ADAM28: variants seen among roughly 807,000 people sequenced by gnomAD.
ADAM28 encodes disintegrin and metalloproteinase domain-containing protein 28.
Under a neutral mutation model 101.2 loss-of-function variants are expected in ADAM28, and 105 were observed. The ratio of observed to expected loss-of-function variants is 1.04; its 90% confidence interval spans 0.89 to 1.22. The LOEUF is 1.22. Ranked by LOEUF, ADAM28 falls within the 50% of genes most tolerant of loss-of-function variation. The pLI is 0.00. For synonymous variants in ADAM28, 322 were observed against 310.6 expected, an observed-to-expected ratio of 1.04 and a Z score of -0.39; for missense variants, 1,028 against 945.4, an observed-to-expected ratio of 1.09 and a Z score of -1.15.
chr8:24,306,265 C>T (rs1436466951), intron 2 of ADAM28, among the ~76,000 whole-genome samples: 2 of 150,048 alleles, frequency 1.3e-5, no homozygotes, highest in Non-Finnish European at 3.0e-5. Flanking sequence ...ATCACTTGAA[C>T]CCTGGGAGGC....
intron 2 of ADAM28, among the ~76,000 whole-genome samples, chr8:24,304,701 T>C (rs2320265): frequency 0.19 from 29,495 of 151,494 alleles, 3,140 homozygotes; most frequent in East Asian, 0.34. Context: ...CCTGTCTCTA[T>C]CAAAAATACA....
chr8:24,333,189 G>A (rs757843311), intron 13 of ADAM28, among the ~76,000 whole-genome samples: 2 of 150,560 alleles, frequency 1.3e-5, no homozygotes, highest in Non-Finnish European at 2.9e-5. Context: ...GGGAGATGAT[G>A]GTCAAAAGGG....
At chr8:24,334,078 G>A (rs1290414386) in intron 13 of ADAM28, among the ~76,000 whole-genome samples, 5 of 152,154 alleles carry the variant, frequency 3.3e-5, no homozygotes, top group African/African-American at 4.8e-5. Context: ...AACTTAAGCA[G>A]TACTCAAAGA....
Position 24,343,105 on chromosome 8 carries a change from G to T in ADAM28, c.1835G>T (p.Cys612Phe), listed in dbSNP as rs1218186614. The change falls in exon 17 of 23, where the codon TGC becomes TTC. Residue 612 changes from cysteine (C) to phenylalanine (F), a missense_variant. Transcript: ENST00000265769. ...TGTTTTCTACATCACTTTCAGGTTT[G>T]CATTAATGCAGAATGTGTGGATATT... Reference protein sequence around the residue: ...NGTKCGDNKVCINAECVDIEK... With the variant: ...NGTKCGDNKVFINAECVDIEK... 6.2e-7 allele frequency: 1 copy of T among 1,613,680 alleles called. No individual in the cohort carries two copies. The highest frequency in any genetic ancestry group is 1.1e-5 in the South Asian group (1 of 91,070).
In ADAM28 at chr8:24,320,299, A is replaced by G; in HGVS notation, c.640A>G (p.Asn214Asp). 1.3e-6 allele frequency: 2 copies of G among 1,597,370 alleles called. No individual in the cohort carries two copies. Among genetic ancestry groups the G allele is most frequent in the Non-Finnish European group, 1.7e-6 (2 of 1,167,696 alleles). The change falls in exon 7 of 23, where the codon AAT (asparagine) becomes GAT (aspartate). Residue 214 changes from asparagine (N) to aspartate (D), a missense_variant. By Grantham distance (23) the Asn-to-Asp change is conservative. Coordinates refer to ENST00000265769, the MANE Select transcript of ADAM28 (RefSeq NM_014265.6). ...CATAGAATATTATTTGGTCCTGGAT[A>G]ATGGTGAGGTAATTATATGAGATAA... The part of the protein sequence containing the change: ...KYIEYYLVLD[N>D]GEFKRYNENQ...
At chr8:24,348,919 C>T (rs1815737209) in intron 18 of ADAM28, among the ~76,000 whole-genome samples, 1 of 152,088 alleles carries the variant, frequency 6.6e-6, no homozygotes, top group Admixed American at 6.5e-5. Flanking sequence ...GTATGTTTTT[C>T]ATTCTGAATG....
rs756737269 is a variant in ADAM28, at chr8:24,320,263, C to A, written c.604C>A (p.His202Asn). 7.5e-6 allele frequency: 12 copies of A among 1,601,164 alleles called. No homozygotes were observed. Among genetic ancestry groups the A allele is most frequent in the Non-Finnish European group, 1.0e-5 (12 of 1,170,352 alleles). The change falls in exon 7 of 23, where the codon CAT (histidine) becomes AAT (asparagine). Residue 202 changes from histidine (H) to asparagine (N), a missense_variant. Coordinates refer to ENST00000265769, the MANE Select transcript of ADAM28 (RefSeq NM_014265.6). ...ATTGAAAGACAGGAAGGTTCAGGAACATGAGAAATACATAGAATATTATTT... is the reference window on the plus strand; with the variant it reads ...ATTGAAAGACAGGAAGGTTCAGGAAAATGAGAAATACATAGAATATTATTT... The part of the protein sequence containing the change: ...VKLKDRKVQE[H>N]EKYIEYYLVL...
intron 8 of ADAM28, among the ~76,000 whole-genome samples, chr8:24,323,587 T>A (rs1246075176): frequency 6.6e-6 from 1 of 151,840 alleles, no homozygotes; most frequent in African/African-American, 2.4e-5. Flanking sequence ...CCTTTTCTCC[T>A]CCCTACCACC....
chr8:24,300,869 T>G (rs764479769), intron 2 of ADAM28: 2 of 152,186 alleles, frequency 1.3e-5, no homozygotes, highest in Non-Finnish European at 2.9e-5. Context: ...TATATGCACA[T>G]TAACATGAAA....
intron 2 of ADAM28, among the ~76,000 whole-genome samples, chr8:24,306,375 T>TATAA (rs1563270656): frequency 3.5e-4 from 48 of 139,032 alleles, no homozygotes; most frequent in African/African-American, 1.2e-3. Flanking sequence ...TATATATATA[T>TATAA]ATATATATAT....
chr8:24,351,652 A>AATATGTATGTCTGTATGAT, intron 20 of ADAM28: 2 of 465,018 alleles, frequency 4.3e-6, no homozygotes, highest in Non-Finnish European at 7.8e-6. Flanking sequence ...TAGATACAAA[A>AATATGTATGTCTGTATGAT]ATATGTATGT....
chr8:24,300,178 G>A (rs963905095), intron 2 of ADAM28, 101 bp downstream of exon 2: 60 of 967,420 alleles, frequency 6.2e-5, no homozygotes, highest in Non-Finnish European at 8.8e-5. Context: ...ATTTATACAT[G>A]TATGTTTATA....
chr8:24,325,544 A>T (rs1388505971), intron 9 of ADAM28, among the ~76,000 whole-genome samples: 1 of 151,968 alleles, frequency 6.6e-6, no homozygotes, highest in Non-Finnish European at 1.5e-5. Context: ...AAAAATGTAG[A>T]ATGAAGTATA....
chr8:24,331,343 T>G lies in ADAM28; in HGVS notation c.1281+16T>G. ...GACATCTGAGGTATGGCCAATCACTTTCTAAAACGATCTAGTTGGTTTTTC... is the reference window on the plus strand; with the variant it reads ...GACATCTGAGGTATGGCCAATCACTGTCTAAAACGATCTAGTTGGTTTTTC... On this transcript the variant is annotated intron_variant, in intron 12 of 22. Coordinates refer to ENST00000265769, the MANE Select transcript of ADAM28 (RefSeq NM_014265.6). 1.3e-6 allele frequency: 2 copies of G among 1,574,972 alleles called. No individual in the cohort carries two copies. The highest frequency in any genetic ancestry group is 2.7e-5 in the African/African-American group (2 of 73,138).
chr8:24,322,844 G>T (rs1812061968), intron 8 of ADAM28, among the ~76,000 whole-genome samples: 1 of 151,912 alleles, frequency 6.6e-6, no homozygotes, highest in African/African-American at 2.4e-5. Flanking sequence ...TTGCTGGTGA[G>T]AATGTCTGTC....
chr8:24,303,827 G>C (rs1488372061), intron 2 of ADAM28, among the ~76,000 whole-genome samples: 3 of 151,972 alleles, frequency 2.0e-5, no homozygotes, highest in Non-Finnish European at 4.4e-5. Context: ...TTAAGCAGTG[G>C]TTTGTGTTCT....
chr8:24,336,863 C>A (rs1359430565), intron 14 of ADAM28, among the ~76,000 whole-genome samples: 1 of 152,078 alleles, frequency 6.6e-6, no homozygotes, highest in African/African-American at 2.4e-5. Context: ...AATTGCCATA[C>A]TCCCTTCCTA....
At chr8:24,339,983 T>G (rs186919411) in intron 15 of ADAM28, among the ~76,000 whole-genome samples, 5 of 152,208 alleles carry the variant, frequency 3.3e-5, no homozygotes, top group Non-Finnish European at 1.5e-5. Context: ...GAATAACAGA[T>G]GCAGTGCTTG....
rs192073588 is a variant in ADAM28, at chr8:24,335,835, C to T, written c.1567+194C>T. On this transcript the variant is annotated intron_variant, in intron 14 of 22. Transcript: ENST00000265769. ...TAGCAAGTAAAAATAAGGATGGCCC[C>T]GTTAAATTTTAACTTAAAATTAACA... 4,286 of 1,245,222 alleles carry T rather than the reference C, an allele frequency of 3.4e-3. 10 individuals carry two copies. The highest frequency in any genetic ancestry group is 3.8e-3 in the Admixed American group (96 of 25,502). The allele number at this position is 1,245,222 out of a possible 1,614,324, so 77.1% of individuals were successfully genotyped here.
Sources: allele counts gnomAD v4.1 joint callset (sites outside exome capture counted in the v4.1 genomes callset), GRCh38; gene constraint gnomAD v4.1.1; transcripts MANE v1.5; gene names NCBI Gene and HGNC (gene_info 2026-07-23, HGNC 2026-07-21).